GPC3: variants seen among roughly 807,000 people sequenced by gnomAD.
GPC3 encodes the protein glypican-3.
Under a neutral mutation model 34.4 loss-of-function variants are expected in GPC3, and 3 were observed. The observed-to-expected ratio is 0.09, with a 90% CI of 0.04 to 0.23. The LOEUF is 0.23. Ranked by LOEUF, GPC3 falls within the 10% of genes least tolerant of loss-of-function variation. The pLI, the probability that GPC3 is intolerant of heterozygous loss-of-function variation, is 1.00. For synonymous variants in GPC3, 177 were observed against 174.0 expected (o/e 1.02, Z -0.13); for missense variants, 351 against 445.6 (o/e 0.79, Z 1.91).
chrX:133,604,541 A>G (rs2070025412), intron 6 of GPC3, among the ~76,000 whole-genome samples: 1 of 111,616 alleles, frequency 9.0e-6, no homozygotes, highest in African/African-American at 3.3e-5. Context: ...AAAGCTTCAG[A>G]CAGCTGGTTA....
intron 2 of GPC3, among the ~76,000 whole-genome samples, chrX:133,786,186 A>T (rs1311279634): frequency 8.9e-6 from 1 of 112,271 alleles, no homozygotes; most frequent in African/African-American, 3.2e-5. Context: ...TGAGGTCAGG[A>T]GTTCGAGACC....
intron 5 of GPC3, 64 bp from the exon 6 acceptor site, chrX:133,661,914 T>C (rs1294819439): frequency 5.9e-6 from 7 of 1,179,722 alleles, no homozygotes; most frequent in Non-Finnish European, 8.0e-6. Context: ...AAAAGCTGAC[T>C]GTATTTGGCA....
At chrX:133,879,542 C>A (rs1267658716) in intron 2 of GPC3, among the ~76,000 whole-genome samples, 2 of 111,352 alleles carry the variant, frequency 1.8e-5, no homozygotes, top group East Asian at 5.6e-4. Flanking sequence ...TGGTGGCTCA[C>A]ACCTGTAATC....
At chrX:133,900,508 T>C (rs775821887) in intron 2 of GPC3, among the ~76,000 whole-genome samples, 1 of 111,725 alleles carries the variant, frequency 9.0e-6, no homozygotes, top group East Asian at 2.8e-4. Context: ...TCTTACTCCA[T>C]GTGGAAGATC....
intron 2 of GPC3, among the ~76,000 whole-genome samples, chrX:133,828,847 G>GAA (rs897528696): frequency 9.6e-6 from 1 of 104,702 alleles, no homozygotes; most frequent in African/African-American, 3.5e-5. Context: ...GTTCTTACCA[G>GAA]AAAAAAAAAA....
rs965517753 is a variant in GPC3 at position 133,729,120 on chromosome X, C to T, written c.1032+24362G>A. 4.5e-5 allele frequency among the ~76,000 whole-genome samples: 5 copies of T among 110,831 alleles called. No homozygotes were observed. The South Asian group carries it at 2.0e-3, about 44-fold the overall frequency. ...CTGACTTCTCTAGCCACCATGTTAC[C>T]CTCTTGCTGCCAGAGCCATCTTTAG... is the stretch of plus-strand genomic sequence containing the variant. On this transcript the variant is annotated intron_variant, in intron 3 of 7. Transcript: ENST00000370818.
intron 3 of GPC3, among the ~76,000 whole-genome samples, chrX:133,715,048 G>A (rs185986304): frequency 1.1e-4 from 12 of 111,829 alleles, no homozygotes; most frequent in Admixed American, 5.7e-4. Flanking sequence ...GGAGATTAAC[G>A]TTTCAGTCAG....
intron 2 of GPC3, among the ~76,000 whole-genome samples, chrX:133,764,367 T>C (rs1220171507): frequency 9.0e-6 from 1 of 111,725 alleles, no homozygotes; most frequent in Non-Finnish European, 1.9e-5. Context: ...AATATATCTA[T>C]ATAACAAGCC....
chrX:133,781,196 T>A (rs1311345506), intron 2 of GPC3, among the ~76,000 whole-genome samples: 2 of 112,080 alleles, frequency 1.8e-5, no homozygotes, highest in East Asian at 2.8e-4. Flanking sequence ...TGATGAAGAG[T>A]TCTCTGGCAA....
chrX:133,674,942 G>T (rs193162838), intron 5 of GPC3, among the ~76,000 whole-genome samples: 1 of 111,671 alleles, frequency 9.0e-6, no homozygotes, highest in Admixed American at 9.5e-5. Flanking sequence ...GACTCTCAAA[G>T]TCCACCTAAA....
intron 2 of GPC3, among the ~76,000 whole-genome samples, chrX:133,861,025 C>G (rs2075933897): frequency 9.0e-6 from 1 of 111,089 alleles, no homozygotes; most frequent in Non-Finnish European, 1.9e-5. Context: ...TTGCTTGAGC[C>G]TGGGAGGTTG....
At chrX:133,758,485 T>C (rs1307136675) in intron 2 of GPC3, among the ~76,000 whole-genome samples, 2 of 111,044 alleles carry the variant, frequency 1.8e-5, no homozygotes, top group Non-Finnish European at 3.8e-5. Flanking sequence ...CATTTGTAAG[T>C]GGGAATTGAA....
intron 2 of GPC3, chrX:133,763,150 C>G (rs779999494): frequency 1.8e-5 from 13 of 732,030 alleles, no homozygotes; most frequent in Middle Eastern, 8.9e-4. Context: ...CTTTCAGGAG[C>G]CGCAGCTTCT....
chrX:133,769,323 T>C (rs2071888297), intron 2 of GPC3, among the ~76,000 whole-genome samples: 1 of 111,965 alleles, frequency 8.9e-6, no homozygotes, highest in Non-Finnish European at 1.9e-5. Context: ...CAGAATAGTG[T>C]CTATAGTCAA....
At chrX:133,832,783 G>A (rs901727340) in intron 2 of GPC3, among the ~76,000 whole-genome samples, 2 of 111,974 alleles carry the variant, frequency 1.8e-5, no homozygotes, top group Non-Finnish European at 3.8e-5. Context: ...TTGTTTGCTG[G>A]TATTAAAATT....
chrX:133,548,153 A>G (rs913443749), intron 7 of GPC3, among the ~76,000 whole-genome samples: 10 of 112,172 alleles, frequency 8.9e-5, no homozygotes, highest in African/African-American at 3.2e-4. Flanking sequence ...TGCAATATAC[A>G]TTTCAGGCAT....
chrX:133,694,536 A>AG, intron 4 of GPC3, among the ~76,000 whole-genome samples: 1 of 111,156 alleles, frequency 9.0e-6, no homozygotes, highest in Middle Eastern at 4.6e-3. Flanking sequence ...CAAGAGTGGA[A>AG]GCTGAAAGAG....
intron 7 of GPC3, among the ~76,000 whole-genome samples, chrX:133,566,969 T>A (rs1277108631): frequency 8.9e-6 from 1 of 111,928 alleles, no homozygotes; most frequent in Non-Finnish European, 1.9e-5. Context: ...TTAAAAGGAA[T>A]CTTTCCCTTT....
chrX:133,857,434 C>A (rs2075909128), intron 2 of GPC3, among the ~76,000 whole-genome samples: 1 of 111,914 alleles, frequency 8.9e-6, no homozygotes. Flanking sequence ...AGAAAACATT[C>A]AAATAGAAAT....
Sources: gnomAD v4.1 joint callset for allele counts (sites outside exome capture counted in the v4.1 genomes callset) on GRCh38, gnomAD v4.1.1 for gene constraint, MANE v1.5 for transcripts, NCBI Gene and HGNC (gene_info 2026-07-23, HGNC 2026-07-21) for gene names.